The following CAPS2 variants were observed in gnomAD, a reference collection of about 807,000 sequenced individuals.
The protein encoded by CAPS2 is calcyphosine 2.
Under a neutral mutation model 86.5 loss-of-function variants are expected in CAPS2, and 98 were observed. That is an observed-to-expected ratio of 1.13 (90% CI 0.96 to 1.34). CAPS2 has a LOEUF of 1.34. Among genes scored for constraint, CAPS2 ranks in the 40% most tolerant of loss-of-function variants. CAPS2 has a pLI of 0.00. For synonymous variants in CAPS2, 210 were observed against 225.1 expected (o/e 0.93, Z 0.60); for missense variants, 729 against 686.8 (o/e 1.06, Z -0.69).
At chr12:75,337,915 A>T (rs2139257537) in intron 1 of CAPS2, among the ~76,000 whole-genome samples, 1 of 152,198 alleles carries the variant, frequency 6.6e-6, no homozygotes, top group East Asian at 1.9e-4. Context: ...TTTAACAGGG[A>T]TATTTAACCA....
chr12:75,276,648 A>C (rs1378829761), downstream of CAPS2: 2 of 849,010 alleles, frequency 2.4e-6, no homozygotes, highest in East Asian at 2.4e-4. Flanking sequence ...CTTTTTAATA[A>C]AATGTTTTTC....
Position 75,282,241 on chromosome 12 carries a change from G to A in CAPS2, c.1612+10C>T, listed in dbSNP as rs370678711. On this transcript the variant is annotated intron_variant, in intron 16 of 16. Coordinates refer to ENST00000393284, the Ensembl canonical transcript of CAPS2. ...TCAAAGTCCAATGCATTTTAACTCC[G>A]AATAATTACCTGAAATTACTTGAGA... is the stretch of plus-strand genomic sequence containing the variant. 1.2e-4 allele frequency: 165 copies of A among 1,413,766 alleles called. 2 individuals are homozygous for A. Among genetic ancestry groups the A allele is most frequent in the South Asian group, 1.0e-3 (88 of 86,802 alleles). 87.6% of individuals were successfully genotyped at this position (1,413,766 alleles called of 1,614,324 possible). A position where few individuals can be genotyped will look rare whatever the true frequency, so the allele number is the denominator to read the frequency against.
rs145369724 is a variant in CAPS2, at chr12:75,292,097, C to T, written c.1164-277G>A. 5.3e-5 allele frequency among the ~76,000 whole-genome samples: 8 copies of T among 152,206 alleles called. No individual in the cohort carries two copies. The East Asian group carries it at 9.7e-4, about 18-fold the overall frequency. On this transcript the variant is annotated intron_variant, in intron 12 of 16. Transcript: ENST00000393284. ...TTTGTTTGTTTTTGAGACAGAGTCT[C>T]GCTCTGTCACCCAGGCTGGAGTGCA... is the stretch of plus-strand genomic sequence containing the variant.
At chr12:75,382,563 C>A (rs2045057268) in intron 1 of CAPS2, among the ~76,000 whole-genome samples, 1 of 151,792 alleles carries the variant, frequency 6.6e-6, no homozygotes, top group Non-Finnish European at 1.5e-5. Flanking sequence ...TCACTTGAAC[C>A]CAAGAAGCGG....
At chr12:75,327,098 A>C (rs1401846478), upstream of CAPS2, among the ~76,000 whole-genome samples, 1 of 152,138 alleles carries the variant, frequency 6.6e-6, no homozygotes, top group African/African-American at 2.4e-5. Context: ...TGTACTTCTG[A>C]CCTCCAGAAC....
chr12:75,365,564 C>T (rs1376530852), intron 1 of CAPS2, among the ~76,000 whole-genome samples: 1 of 151,948 alleles, frequency 6.6e-6, no homozygotes, highest in African/African-American at 2.4e-5. Flanking sequence ...AAAATGTTTT[C>T]CTATCATTTT....
At chr12:75,341,473 G>T (rs536933722) in intron 1 of CAPS2, among the ~76,000 whole-genome samples, 84 of 152,158 alleles carry the variant, frequency 5.5e-4, no homozygotes, top group African/African-American at 1.9e-3. Flanking sequence ...TTGAAACGGA[G>T]TCTCGCTGTG....
At chr12:75,367,514 C>G (rs544378296) in intron 1 of CAPS2, among the ~76,000 whole-genome samples, 1 of 151,886 alleles carries the variant, frequency 6.6e-6, no homozygotes, top group Admixed American at 6.6e-5. Flanking sequence ...TCCATCTCCA[C>G]GTCGTGTACC....
chr12:75,282,227 T>C (rs772874381), intron 16 of CAPS2, 24 bp downstream of exon 16: 5 of 1,186,584 alleles, frequency 4.2e-6, no homozygotes, highest in Non-Finnish European at 5.1e-6. Flanking sequence ...CAAAGTCCAA[T>C]GCATTTTAAC....
rs1485980578 is a variant in CAPS2, at chr12:75,298,668, A to G, written c.1044+19T>C. 2.7e-6 allele frequency: 4 copies of G among 1,474,934 alleles called. No individual in the cohort carries two copies. Among genetic ancestry groups the G allele is most frequent in the South Asian group, 1.2e-5 (1 of 86,292 alleles). 91.4% of individuals were successfully genotyped at this position (1,474,934 alleles called of 1,614,324 possible). On this transcript the variant is annotated intron_variant, in intron 11 of 16. Transcript: ENST00000393284. ...CCACCATCTGGTATTAAATGTGTGC[A>G]CACACACACACCACTTACAACATAA...
At chr12:75,294,667 G>T (rs114990139) in intron 11 of CAPS2, among the ~76,000 whole-genome samples, 104 of 152,086 alleles carry the variant, frequency 6.8e-4, no homozygotes, top group Admixed American at 1.8e-3. Context: ...CTAATTACCA[G>T]GTCAATCTAG....
intron 7 of CAPS2, among the ~76,000 whole-genome samples, chr12:75,308,293 T>C (rs973188555): frequency 2.6e-5 from 4 of 152,150 alleles, no homozygotes; most frequent in African/African-American, 7.2e-5. Context: ...AGACAAAGTA[T>C]GTAAATAGAT....
intron 1 of CAPS2, among the ~76,000 whole-genome samples, chr12:75,335,084 A>G (rs2041631783): frequency 6.6e-6 from 1 of 152,196 alleles, no homozygotes; most frequent in Non-Finnish European, 1.5e-5. Context: ...TGAACAAGAA[A>G]GGAAGACTTG....
intron 1 of CAPS2, among the ~76,000 whole-genome samples, chr12:75,384,989 T>C (rs2139841664): frequency 6.6e-6 from 1 of 152,290 alleles, no homozygotes; most frequent in East Asian, 1.9e-4. Context: ...ATTAATAGGA[T>C]AATAAGTTAA....
rs912724830 is a variant in CAPS2 at position 75,295,279 on chromosome 12, GT to G, written c.1045-1913del. ...CTATACTTCAAATTTAAAGCTTTGT[GT>G]TTTTTCCTGGTGGGCAAATATTTCA... On this transcript the variant is annotated intron_variant, in intron 11 of 16. Transcript: ENST00000393284. 3 of 152,246 alleles carry G rather than the reference GT, an allele frequency of 2.0e-5. No individual in the cohort carries two copies. In the East Asian group the frequency reaches 5.8e-4, roughly 29 times the overall value. The allele number at this position is 152,246 out of a possible 1,614,324, so 9.4% of individuals were successfully genotyped here. A position where few individuals can be genotyped will look rare whatever the true frequency, so the allele number is the denominator to read the frequency against.
chr12:75,326,866 A>G (rs1264840452), upstream of CAPS2, among the ~76,000 whole-genome samples: 1 of 152,164 alleles, frequency 6.6e-6, no homozygotes, highest in Non-Finnish European at 1.5e-5. Flanking sequence ...GAATCCTTGT[A>G]AGAGGGAAGC....
At chr12:75,287,118 T>C (rs1238506153) in intron 14 of CAPS2, among the ~76,000 whole-genome samples, 4 of 150,794 alleles carry the variant, frequency 2.7e-5, no homozygotes, top group Admixed American at 6.6e-5. Context: ...ATATTATATA[T>C]ATATGTTTTC....
intron 1 of CAPS2, among the ~76,000 whole-genome samples, chr12:75,342,898 AATTT>A (rs1272377094): frequency 6.6e-6 from 1 of 152,010 alleles, no homozygotes; most frequent in South Asian, 2.1e-4. Context: ...TCACTTATTA[AATTT>A]ATTTATACAT....
upstream of CAPS2, chr12:75,329,795 T>C: frequency 9.3e-6 from 14 of 1,506,794 alleles, no homozygotes; most frequent in South Asian, 2.5e-5. Context: ...ACCCCATCAC[T>C]CCCCCTGCTC....
Sources: gnomAD v4.1 joint callset for allele counts (sites outside exome capture counted in the v4.1 genomes callset) on GRCh38, gnomAD v4.1.1 for gene constraint, MANE v1.5 for transcripts, NCBI Gene and HGNC (gene_info 2026-07-23, HGNC 2026-07-21) for gene names.